The following CASR variants were observed in gnomAD, a reference collection of about 807,000 sequenced individuals.
The protein encoded by CASR is calcium sensing receptor, also known as extracellular calcium-sensing receptor.
In CASR, 23 loss-of-function variants were observed where a neutral mutation model predicts 69.1. The observed-to-expected ratio is 0.33, with a 90% CI of 0.24 to 0.47. The LOEUF (loss-of-function observed/expected upper bound fraction) is 0.47, where lower values mean the gene tolerates loss of function less well. Ranked by LOEUF, CASR falls within the 20% of genes least tolerant of loss-of-function variation. The pLI, the probability that CASR is intolerant of heterozygous loss-of-function variation, is 1.00. For missense variants in CASR, 924 were observed against 1,356.1 expected (o/e 0.68, Z 5.00); for synonymous variants, 541 against 544.7 (o/e 0.99, Z 0.10).
chr3:122,272,547 T>C (rs925965849), intron 4 of CASR, among the ~76,000 whole-genome samples: 1 of 152,226 alleles, frequency 6.6e-6, no homozygotes, highest in Admixed American at 6.5e-5. Flanking sequence ...CCCTTTTAAA[T>C]TTCTATCTCC....
At chr3:122,247,501 ACT>A (rs983471878) in intron 1 of CASR, 2 of 152,218 alleles carry the variant, frequency 1.3e-5, no homozygotes, top group African/African-American at 4.8e-5. Context: ...CATTTCATTA[ACT>A]CTGTTGGTGT....
chr3:122,270,057 G>A (rs1056486165), intron 4 of CASR, among the ~76,000 whole-genome samples: 9 of 152,062 alleles, frequency 5.9e-5, no homozygotes, highest in African/African-American at 7.2e-5. Context: ...GACCAGGCTC[G>A]TCTCTAACTC....
intron 6 of CASR, 82 bp from the exon 7 acceptor site, chr3:122,283,605 T>G: frequency 8.9e-7 from 1 of 1,119,670 alleles, no homozygotes; most frequent in Non-Finnish European, 1.4e-6. Flanking sequence ...CAAAAAACTA[T>G]GTATTCCCAC....
At chr3:122,269,967 G>C (rs1029019408) in intron 4 of CASR, among the ~76,000 whole-genome samples, 1 of 151,932 alleles carries the variant, frequency 6.6e-6, no homozygotes, top group Non-Finnish European at 1.5e-5. Context: ...TCAGCCTCCC[G>C]AGTAGCTGGG....
At chr3:122,236,701 A>G (rs1033433987) in intron 1 of CASR, among the ~76,000 whole-genome samples, 1 of 152,206 alleles carries the variant, frequency 6.6e-6, no homozygotes, top group Non-Finnish European at 1.5e-5. Context: ...CTCCAGTGGG[A>G]CGCAAATTCT....
In CASR at chr3:122,252,345, A is replaced by T. The variant is rs546545484; in HGVS notation, c.-242-1603A>T. Reference sequence around the variant, plus strand: ...GAGAAAGAAAGAGAGAGAAAGAAAGAAGAAAGAAAGAAAGAAAGAAGGAAG... The same window carrying T: ...GAGAAAGAAAGAGAGAGAAAGAAAGTAGAAAGAAAGAAAGAAAGAAGGAAG... On this transcript the variant is annotated intron_variant, in intron 1 of 6. Transcript: ENST00000639785. Among the ~76,000 whole-genome samples the T allele has an allele frequency of 2.8e-4, 8 of 28,232 alleles. No individual in the cohort carries two copies. In the East Asian group the frequency reaches 7.1e-3, roughly 25 times the overall value. 18.5% of individuals were successfully genotyped at this position (28,232 alleles called of 152,430 possible).
intron 1 of CASR, among the ~76,000 whole-genome samples, chr3:122,218,769 G>A (rs993553742): frequency 6.6e-6 from 1 of 152,180 alleles, no homozygotes; most frequent in Non-Finnish European, 1.5e-5. Flanking sequence ...TGGAACTGAA[G>A]AGTTGACAAT....
chr3:122,202,909 T>C lies in CASR; in HGVS notation c.-243+19097T>C, dbSNP rs562147688. On this transcript the variant is annotated intron_variant, in intron 1 of 6. Transcript: ENST00000639785. ...TTGCCTCAATACTGTTATAGAATAGTCTGCCCTTTCTCCTACCAATACACA... is the reference window on the plus strand; with the variant it reads ...TTGCCTCAATACTGTTATAGAATAGCCTGCCCTTTCTCCTACCAATACACA... Among the ~76,000 whole-genome samples the C allele has an allele frequency of 2.0e-5, 3 of 152,360 alleles. No individual in the cohort carries two copies. The East Asian group carries it at 5.8e-4, about 29-fold the overall frequency.
At chr3:122,246,397 A>C (rs981469337) in intron 1 of CASR, 16 of 152,188 alleles carry the variant, frequency 1.1e-4, no homozygotes, top group African/African-American at 3.9e-4. Flanking sequence ...AAAATAATGC[A>C]CACGTAATGT....
chr3:122,242,404 A>G (rs774621538), intron 1 of CASR, among the ~76,000 whole-genome samples: 1 of 152,170 alleles, frequency 6.6e-6, no homozygotes. Flanking sequence ...AACTTAAAAA[A>G]TAAATCAAAA....
rs1287836344 is a variant in CASR at position 122,282,327 on chromosome 3, G to T, written c.1732+91G>T. 4 of 1,278,882 alleles carry T rather than the reference G, an allele frequency of 3.1e-6. No individual in the cohort carries two copies. The East Asian group carries it at 6.9e-5, about 22-fold the overall frequency. The allele number at this position is 1,278,882 out of a possible 1,614,324, so 79.2% of individuals were successfully genotyped here. ...GCCCATGGAAGGGCTGGGCTGAGAT[G>T]GTGCTTTGCACAGTTTCTCATTTAA... On this transcript the variant is annotated intron_variant, in intron 6 of 6. Coordinates refer to ENST00000639785, the MANE Select transcript of CASR (RefSeq NM_000388.4).
intron 1 of CASR, among the ~76,000 whole-genome samples, chr3:122,186,084 A>G (rs2107576440): frequency 6.8e-6 from 1 of 147,156 alleles, no homozygotes; most frequent in African/African-American, 2.5e-5. Context: ...TTTTGTCTCT[A>G]TGATAAAACA....
At chr3:122,204,445 G>A (rs774721670) in intron 1 of CASR, among the ~76,000 whole-genome samples, 32 of 152,142 alleles carry the variant, frequency 2.1e-4, no homozygotes, top group Admixed American at 9.2e-4. Flanking sequence ...ATTCCATTGC[G>A]GACAGGCCCC....
chr3:122,208,510 G>A (rs1437784382), intron 1 of CASR, among the ~76,000 whole-genome samples: 1 of 152,068 alleles, frequency 6.6e-6, no homozygotes, highest in East Asian at 1.9e-4. Context: ...GGGCATCCTT[G>A]TCTTGCTCTT....
chr3:122,193,227 T>C (rs978957908), intron 1 of CASR, among the ~76,000 whole-genome samples: 6 of 151,796 alleles, frequency 4.0e-5, no homozygotes, highest in African/African-American at 1.5e-4. Flanking sequence ...TGTTTGTTTG[T>C]TTGTTTTTTG....
rs141812264 is a variant in CASR, at chr3:122,248,575, T to C, written c.-242-5373T>C. The stretch of plus-strand genomic sequence containing the variant: ...AAATTCTATTGGAAATCAAATTTGG[T>C]CTTATAATTCTCTTTTTTCTAGGCA... On this transcript the variant is annotated intron_variant, in intron 1 of 6. Transcript: ENST00000639785. Among the ~76,000 whole-genome samples, 690 of 152,098 alleles carry C rather than the reference T, an allele frequency of 4.5e-3. 7 individuals carry two copies. The highest frequency in any genetic ancestry group is 5.5e-3 in the Non-Finnish European group (374 of 68,004).
At chr3:122,277,786 G>A (rs1348329908) in intron 5 of CASR, among the ~76,000 whole-genome samples, 1 of 152,160 alleles carries the variant, frequency 6.6e-6, no homozygotes, top group East Asian at 1.9e-4. Flanking sequence ...TCTCTCCACT[G>A]CAGCAGGGAG....
At chr3:122,219,037 T>TCCCCTA (rs2074145736) in intron 1 of CASR, among the ~76,000 whole-genome samples, 1 of 152,032 alleles carries the variant, frequency 6.6e-6, no homozygotes, top group East Asian at 1.9e-4. Flanking sequence ...GAAATTAGGG[T>TCCCCTA]GGCCGGAAAT....
At chr3:122,255,551 A>G (rs1333709691) in intron 2 of CASR, among the ~76,000 whole-genome samples, 1 of 152,190 alleles carries the variant, frequency 6.6e-6, no homozygotes, top group Non-Finnish European at 1.5e-5. Flanking sequence ...ACTCTGTTGT[A>G]CCCTGCTGCA....
Sources: allele counts gnomAD v4.1 joint callset (sites outside exome capture counted in the v4.1 genomes callset), GRCh38; gene constraint gnomAD v4.1.1; transcripts MANE v1.5; gene names NCBI Gene and HGNC (gene_info 2026-07-23, HGNC 2026-07-21).